The following ZMIZ1 variants were observed in gnomAD, a reference collection of about 807,000 sequenced individuals.
The protein encoded by ZMIZ1 is zinc finger MIZ-type containing 1, also known as zinc finger MIZ domain-containing protein 1.
Under a neutral mutation model 113.9 loss-of-function variants are expected in ZMIZ1, and 17 were observed. That is an observed-to-expected ratio of 0.15 (90% CI 0.10 to 0.22). The LOEUF is 0.22. Among genes scored for constraint, ZMIZ1 ranks in the 10% least tolerant of loss-of-function variants. The pLI is 1.00. For missense variants in ZMIZ1, 1,059 were observed against 1,477.8 expected, an observed-to-expected ratio of 0.72 and a Z score of 4.65; for synonymous variants, 607 against 603.1, an observed-to-expected ratio of 1.01 and a Z score of -0.09.
chr10:79,310,750 G>A (rs1855088858), intron 23 of ZMIZ1, among the ~76,000 whole-genome samples, 174 bp from the exon 24 acceptor site: 1 of 152,064 alleles, frequency 6.6e-6, no homozygotes, highest in Non-Finnish European at 1.5e-5. Flanking sequence ...GCGGTTTTGG[G>A]GGAGAAATTT....
intron 1 of ZMIZ1, among the ~76,000 whole-genome samples, chr10:79,093,171 C>CACACACACACAT (rs1843044760): frequency 7.0e-6 from 1 of 142,442 alleles, no homozygotes; most frequent in East Asian, 2.0e-4. Flanking sequence ...CACACACACA[C>CACACACACACAT]ACACATATTC....
At chr10:79,104,197 A>C (rs1184625293) in intron 1 of ZMIZ1, among the ~76,000 whole-genome samples, 1 of 152,216 alleles carries the variant, frequency 6.6e-6, no homozygotes, top group Non-Finnish European at 1.5e-5. Context: ...GAAGGTCTTC[A>C]GGGTCTCCGT....
At chr10:79,256,861 C>T (rs1015390326) in intron 7 of ZMIZ1, among the ~76,000 whole-genome samples, 4 of 152,192 alleles carry the variant, frequency 2.6e-5, no homozygotes, top group African/African-American at 9.7e-5. Context: ...TTTGTGCATG[C>T]TTGTGATTTT....
At chr10:79,282,234 G>C (rs12785054) in intron 8 of ZMIZ1, among the ~76,000 whole-genome samples, 18,119 of 152,234 alleles carry the variant, frequency 0.12, 1,638 homozygotes, top group African/African-American at 0.24. Flanking sequence ...TTAGCAAACT[G>C]TTTTAGTCCG....
chr10:79,195,890 C>G (rs1265962793), intron 4 of ZMIZ1, among the ~76,000 whole-genome samples: 1 of 152,178 alleles, frequency 6.6e-6, no homozygotes, highest in African/African-American at 2.4e-5. Flanking sequence ...TTTGCTTCAC[C>G]TCTCTGAGCC....
At chr10:79,186,509 A>G (rs776228943) in intron 4 of ZMIZ1, among the ~76,000 whole-genome samples, 34 of 152,178 alleles carry the variant, frequency 2.2e-4, no homozygotes, top group Non-Finnish European at 4.0e-4. Context: ...TTGATTCCCG[A>G]AATCCTGTCA....
intron 7 of ZMIZ1, among the ~76,000 whole-genome samples, chr10:79,271,272 T>A (rs1272152001): frequency 6.6e-6 from 1 of 152,202 alleles, no homozygotes; most frequent in Non-Finnish European, 1.5e-5. Context: ...CATCCTGTTG[T>A]TCTCTTCTCT....
At chr10:79,195,631 C>T (rs1032992997) in intron 4 of ZMIZ1, among the ~76,000 whole-genome samples, 2 of 152,244 alleles carry the variant, frequency 1.3e-5, no homozygotes, top group Admixed American at 6.5e-5. Flanking sequence ...CTGCTGGCCA[C>T]CAGGTGCGTG....
intron 4 of ZMIZ1, among the ~76,000 whole-genome samples, chr10:79,197,595 T>TACACACACACACACACACACACACACAC (rs10648318): frequency 7.3e-6 from 1 of 136,758 alleles, no homozygotes; most frequent in Non-Finnish European, 1.5e-5. Context: ...ACCCAGACCA[T>TACACACACACACACACACACACACACAC]ACACACACAC....
intron 7 of ZMIZ1, among the ~76,000 whole-genome samples, chr10:79,251,694 C>A (rs1454231454): frequency 5.9e-5 from 9 of 152,240 alleles, no homozygotes; most frequent in Admixed American, 3.3e-4. Context: ...AGGGCTCACT[C>A]AGTGTTTGCT....
intron 3 of ZMIZ1, among the ~76,000 whole-genome samples, chr10:79,156,264 A>AC (rs35685349): frequency 1.8e-4 from 27 of 151,048 alleles, no homozygotes; most frequent in Admixed American, 2.6e-4. Flanking sequence ...TAGTTCAGAG[A>AC]CCCCCCCGCT....
At position 79,290,799 on chromosome 10, in the gene ZMIZ1, G is replaced by A. The variant is rs1414412323; in HGVS notation, c.541-160G>A. On this transcript the variant is annotated intron_variant, in intron 9 of 24. Transcript: ENST00000334512. Reference sequence around the variant, plus strand: ...CCGCCCAGGCCCGCTCCTTATCACCGGTACACTCAGAATAGTTCATCCACC... The same window carrying A: ...CCGCCCAGGCCCGCTCCTTATCACCAGTACACTCAGAATAGTTCATCCACC... 4 of 835,736 alleles carry A rather than the reference G, an allele frequency of 4.8e-6. No individual in the cohort carries two copies. The South Asian group carries it at 5.8e-5, about 12-fold the overall frequency. 51.8% of individuals were successfully genotyped at this position (835,736 alleles called of 1,614,324 possible). A position where few individuals can be genotyped will look rare whatever the true frequency, so the allele number is the denominator to read the frequency against.
At chr10:79,292,385 C>T (rs751766152) in intron 11 of ZMIZ1, 29 bp downstream of exon 11, 2 of 1,586,188 alleles carry the variant, frequency 1.3e-6, no homozygotes, top group Non-Finnish European at 1.7e-6. Context: ...CCTGGTCCAG[C>T]CTTGCCCAGC....
At chr10:79,155,731 C>T (rs1845880153) in intron 3 of ZMIZ1, among the ~76,000 whole-genome samples, 1 of 152,252 alleles carries the variant, frequency 6.6e-6, no homozygotes, top group Non-Finnish European at 1.5e-5. Flanking sequence ...GGGATGTGTG[C>T]ATGTGCCTCT....
intron 1 of ZMIZ1, among the ~76,000 whole-genome samples, chr10:79,105,909 A>T (rs1269146907): frequency 6.6e-6 from 1 of 152,194 alleles, no homozygotes; most frequent in East Asian, 1.9e-4. Flanking sequence ...CCCTTCCCCT[A>T]AGTGCTCACC....
At chr10:79,276,712 C>G (rs1589544829) in intron 7 of ZMIZ1, among the ~76,000 whole-genome samples, 1 of 152,138 alleles carries the variant, frequency 6.6e-6, no homozygotes, top group South Asian at 2.1e-4. Flanking sequence ...GATGTTTGAG[C>G]CCACCCATGG....
At chr10:79,285,710 C>A in intron 8 of ZMIZ1, 1 of 392,344 alleles carries the variant, frequency 2.5e-6, no homozygotes, top group Non-Finnish European at 5.2e-6. Context: ...AGACATCATG[C>A]TTGGCTCAGG....
intron 4 of ZMIZ1, among the ~76,000 whole-genome samples, chr10:79,193,959 G>A (rs942837432): frequency 1.3e-5 from 2 of 152,224 alleles, no homozygotes; most frequent in African/African-American, 4.8e-5. Flanking sequence ...GCTGAGCCCA[G>A]GGCTCATGAA....
Position 79,296,046 on chromosome 10 carries a change from G to A in ZMIZ1, c.1231-425G>A, listed in dbSNP as rs12355732. ...CCCAAGTTCAGCCTTGGAATGCAGG[G>A]GCACAGGGGGCTCCTTTCTGGAATT... On this transcript the variant is annotated intron_variant, in intron 12 of 24. Transcript: ENST00000334512. The surrounding 1 kb of genome is among the most constrained non-coding windows in gnomAD (Gnocchi z 4.1). 21,120 of 206,950 alleles carry A rather than the reference G, an allele frequency of 0.1. 1,662 individuals are homozygous for A. Among genetic ancestry groups the A allele is most frequent in the East Asian group, 0.23 (1,424 of 6,080 alleles). The allele number at this position is 206,950 out of a possible 1,614,324, so 12.8% of individuals were successfully genotyped here.
Sources: allele counts gnomAD v4.1 joint callset (sites outside exome capture counted in the v4.1 genomes callset), GRCh38; gene constraint gnomAD v4.1.1; non-coding constraint Gnocchi (gnomAD v3.1); transcripts MANE v1.5; gene names NCBI Gene and HGNC (gene_info 2026-07-23, HGNC 2026-07-21).